DPYD: variants seen among roughly 807,000 people sequenced by gnomAD.
DPYD encodes the protein dihydropyrimidine dehydrogenase.
In DPYD, 109 loss-of-function variants were observed where a neutral mutation model predicts 116.2. That is an observed-to-expected ratio of 0.94 (90% CI 0.80 to 1.10). The LOEUF is 1.10. Ranked by LOEUF, DPYD falls within the 50% of genes least tolerant of loss-of-function variation. The pLI is 0.00. For synonymous variants in DPYD, 440 were observed against 432.0 expected (o/e 1.02, Z -0.23); for missense variants, 1,302 against 1,254.5 (o/e 1.04, Z -0.57).
At chr1:97,407,348 C>T (rs1407953620) in intron 14 of DPYD, among the ~76,000 whole-genome samples, 2 of 152,120 alleles carry the variant, frequency 1.3e-5, no homozygotes, top group Non-Finnish European at 2.9e-5. Flanking sequence ...TATGTCAATA[C>T]TTATTTTAAT....
At chr1:97,480,127 AT>A (rs930044053) in intron 13 of DPYD, among the ~76,000 whole-genome samples, 36 of 151,848 alleles carry the variant, frequency 2.4e-4, no homozygotes, top group South Asian at 1.2e-3. Flanking sequence ...AAGAAAAATA[AT>A]TTTTTTTTAC....
intron 19 of DPYD, among the ~76,000 whole-genome samples, chr1:97,225,730 A>G (rs180909582): frequency 9.0e-4 from 137 of 151,966 alleles, no homozygotes; most frequent in African/African-American, 3.2e-3. Flanking sequence ...ATGTAGTCCT[A>G]CTTGTTTATT....
At chr1:97,618,445 G>C (rs186902669) in intron 8 of DPYD, among the ~76,000 whole-genome samples, 347 of 149,622 alleles carry the variant, frequency 2.3e-3, no homozygotes, top group African/African-American at 8.4e-3. Flanking sequence ...GCATGATCTC[G>C]GTTCACTGCA....
rs1057517126 is a variant in DPYD at position 97,549,559 on chromosome 1, C to T, written c.1524+1G>A. 1 of 1,613,762 alleles carries T rather than the reference C, an allele frequency of 6.2e-7. No homozygotes were observed. The highest frequency in any genetic ancestry group is 1.1e-5 in the South Asian group (1 of 91,078). ...AAGTGGAAATGATGGCAAATGCCTA[C>T]CTGTACGTATTTGTGAATGTACCAA... is the stretch of plus-strand genomic sequence containing the variant. On this transcript the variant is annotated splice_donor_variant, in intron 12 of 22. Coordinates refer to ENST00000370192, the MANE Select transcript of DPYD (RefSeq NM_000110.4). LOFTEE classifies it high-confidence loss of function.
chr1:97,103,383 T>C (rs980951478), intron 20 of DPYD, among the ~76,000 whole-genome samples: 4 of 152,074 alleles, frequency 2.6e-5, no homozygotes, highest in African/African-American at 9.7e-5. Flanking sequence ...CAGTAAGCAA[T>C]GTTTCATGAT....
intron 20 of DPYD, among the ~76,000 whole-genome samples, chr1:97,139,520 A>G (rs1348357186): frequency 6.6e-6 from 1 of 152,190 alleles, no homozygotes; most frequent in East Asian, 1.9e-4. Flanking sequence ...CATGGATTTA[A>G]AAAATCTTGG....
intron 16 of DPYD, among the ~76,000 whole-genome samples, chr1:97,359,651 T>C (rs1191055871): frequency 1.3e-5 from 2 of 152,180 alleles, no homozygotes; most frequent in Admixed American, 6.5e-5. Flanking sequence ...TGGGGGCCAA[T>C]ATACAACATT....
chr1:97,445,150 C>T (rs1398782235), intron 14 of DPYD, among the ~76,000 whole-genome samples: 1 of 152,088 alleles, frequency 6.6e-6, no homozygotes, highest in Non-Finnish European at 1.5e-5. Context: ...AGATGCTGAC[C>T]GACTTCCCCT....
At chr1:97,891,522 T>A (rs1364907941) in intron 1 of DPYD, among the ~76,000 whole-genome samples, 3 of 151,830 alleles carry the variant, frequency 2.0e-5, no homozygotes, top group African/African-American at 4.8e-5. Context: ...CAAATAAGAG[T>A]TATATATTGT....
chr1:97,749,408 T>C (rs1228480500), intron 3 of DPYD, among the ~76,000 whole-genome samples: 1 of 152,206 alleles, frequency 6.6e-6, no homozygotes, highest in African/African-American at 2.4e-5. Context: ...GTCATATGAA[T>C]TGACTAGGCA....
At chr1:97,225,051 A>ATCTATCTG (rs1440029696) in intron 19 of DPYD, among the ~76,000 whole-genome samples, 1 of 132,750 alleles carries the variant, frequency 7.5e-6, no homozygotes, top group African/African-American at 2.8e-5. Context: ...CTATCTATCT[A>ATCTATCTG]TCTATCTGTC....
At chr1:97,308,378 C>A (rs1024856203) in intron 16 of DPYD, 1 of 151,718 alleles carries the variant, frequency 6.6e-6, no homozygotes, top group African/African-American at 2.4e-5. Flanking sequence ...TTTTTCTCAT[C>A]TTCATACTTA....
chr1:97,777,711 T>C (rs1666493102), intron 3 of DPYD, among the ~76,000 whole-genome samples: 2 of 152,282 alleles, frequency 1.3e-5, no homozygotes, highest in South Asian at 4.1e-4. Flanking sequence ...TAAAAATGCT[T>C]TAATGTTGAT....
intron 20 of DPYD, among the ~76,000 whole-genome samples, chr1:97,146,533 T>C (rs1194589909): frequency 6.6e-6 from 1 of 152,208 alleles, no homozygotes; most frequent in East Asian, 1.9e-4. Context: ...GTTTGTTTGT[T>C]TGTCTGTTCT....
chr1:97,530,666 T>G (rs148673319), intron 12 of DPYD, among the ~76,000 whole-genome samples: 1 of 152,240 alleles, frequency 6.6e-6, no homozygotes, highest in South Asian at 2.1e-4. Context: ...TTGGATCATA[T>G]GATAGTTCTA....
intron 13 of DPYD, among the ~76,000 whole-genome samples, chr1:97,494,360 C>T (rs575232643): frequency 3.0e-4 from 45 of 151,970 alleles, no homozygotes; most frequent in African/African-American, 9.2e-4. Flanking sequence ...CCATGCTCAG[C>T]TTAAAAAAAA....
chr1:97,591,881 A>C (rs1571019408), intron 10 of DPYD, among the ~76,000 whole-genome samples: 1 of 151,832 alleles, frequency 6.6e-6, no homozygotes, highest in African/African-American at 2.4e-5. Context: ...ATTGCCTAAG[A>C]CTGTATCCCA....
At chr1:97,107,766 T>A (rs1049371218) in intron 20 of DPYD, among the ~76,000 whole-genome samples, 1 of 152,156 alleles carries the variant, frequency 6.6e-6, no homozygotes, top group Non-Finnish European at 1.5e-5. Flanking sequence ...CTCTGTGCTA[T>A]CCTGCCACTC....
At position 97,700,383 on chromosome 1, in the gene DPYD, C is replaced by A. The variant is rs148050023; in HGVS notation, c.484-836G>T. The A allele has an allele frequency of 1.8e-4, 76 of 414,836 alleles. 1 individual carries two copies. The East Asian group carries it at 3.9e-3, about 21-fold the overall frequency. The allele number at this position is 414,836 out of a possible 1,614,324, so 25.7% of individuals were successfully genotyped here. ...AAAACCTAAAGATCTAAACAGAAAA[C>A]CCTATGGTCCAGGAAAAACAAAAAC... On this transcript the variant is annotated intron_variant, in intron 5 of 22. Coordinates refer to ENST00000370192, the MANE Select transcript of DPYD (RefSeq NM_000110.4).
Sources: allele counts gnomAD v4.1 joint callset (sites outside exome capture counted in the v4.1 genomes callset), GRCh38; gene constraint gnomAD v4.1.1; transcripts MANE v1.5; gene names NCBI Gene and HGNC (gene_info 2026-07-23, HGNC 2026-07-21).